Variants in TBC1D22A observed in about 807,000 individuals in gnomAD.
TBC1D22A encodes the protein putative GTPase activator.
In TBC1D22A, 38 loss-of-function variants were observed where a neutral mutation model predicts 60.2. That is an observed-to-expected ratio of 0.63 (90% CI 0.49 to 0.83). TBC1D22A has a LOEUF of 0.83. Ranked by LOEUF, TBC1D22A falls within the 40% of genes least tolerant of loss-of-function variation. The pLI, the probability that TBC1D22A is intolerant of heterozygous loss-of-function variation, is 0.00. For synonymous variants in TBC1D22A, 302 were observed against 281.7 expected (o/e 1.07, Z -0.72); for missense variants, 628 against 701.0 (o/e 0.90, Z 1.18).
chr22:47,133,851 C>T (rs1282684988), intron 12 of TBC1D22A, among the ~76,000 whole-genome samples: 1 of 152,256 alleles, frequency 6.6e-6, no homozygotes, highest in East Asian at 1.9e-4. Flanking sequence ...CGGCCCCGGG[C>T]ATCCTCGCGA....
At chr22:46,788,522 C>T (rs2084263898) in intron 1 of TBC1D22A, among the ~76,000 whole-genome samples, 1 of 152,228 alleles carries the variant, frequency 6.6e-6, no homozygotes, top group African/African-American at 2.4e-5. Context: ...TGTTCCTTCA[C>T]TTTTCTGTGT....
chr22:46,983,175 G>A (rs1358167157), intron 9 of TBC1D22A, among the ~76,000 whole-genome samples: 1 of 152,218 alleles, frequency 6.6e-6, no homozygotes, highest in Non-Finnish European at 1.5e-5. Flanking sequence ...ATCTGGCACG[G>A]CAGACCATCT....
At chr22:46,928,953 T>A (rs1162858157) in intron 8 of TBC1D22A, among the ~76,000 whole-genome samples, 1 of 151,888 alleles carries the variant, frequency 6.6e-6, no homozygotes, top group East Asian at 1.9e-4. Context: ...AATTAGAATG[T>A]GGGGGCCGGG....
At chr22:47,076,706 G>A (rs2064241213) in intron 11 of TBC1D22A, among the ~76,000 whole-genome samples, 1 of 151,938 alleles carries the variant, frequency 6.6e-6, no homozygotes, top group South Asian at 2.1e-4. Context: ...CTCCGCATTT[G>A]TGATAGTTCG....
intron 9 of TBC1D22A, among the ~76,000 whole-genome samples, chr22:46,989,956 C>G (rs1426461684): frequency 1.3e-5 from 2 of 152,148 alleles, no homozygotes; most frequent in African/African-American, 4.8e-5. Flanking sequence ...GTGCTTGCCA[C>G]CACACCTGGA....
chr22:46,971,927 C>T (rs547556806), intron 8 of TBC1D22A, among the ~76,000 whole-genome samples: 1 of 152,180 alleles, frequency 6.6e-6, no homozygotes, highest in Non-Finnish European at 1.5e-5. Context: ...GAGCCTGCAG[C>T]CCGGCAGGGA....
intron 11 of TBC1D22A, among the ~76,000 whole-genome samples, chr22:47,091,261 GTTGTGGCTGC>G: frequency 7.7e-6 from 1 of 130,534 alleles, no homozygotes; most frequent in Non-Finnish European, 1.6e-5. Context: ...CCTCGCAGAG[GTTGTGGCTGC>G]TTGTTGATAG....
chr22:46,899,403 C>T (rs1385572251), intron 7 of TBC1D22A, among the ~76,000 whole-genome samples: 5 of 151,506 alleles, frequency 3.3e-5, no homozygotes, highest in African/African-American at 7.3e-5. Flanking sequence ...GCCGAGGTGG[C>T]GCCACTGCAC....
intron 11 of TBC1D22A, among the ~76,000 whole-genome samples, chr22:47,042,295 A>G (rs573229772): frequency 6.6e-6 from 1 of 152,302 alleles, no homozygotes; most frequent in Non-Finnish European, 1.5e-5. Context: ...CAGGGCTGCC[A>G]CTGCCAGTCC....
chr22:47,060,891 G>A (rs777646750), intron 11 of TBC1D22A, among the ~76,000 whole-genome samples: 50 of 152,318 alleles, frequency 3.3e-4, no homozygotes, highest in Admixed American at 2.2e-3. Context: ...TCATCGGGGC[G>A]GTTGCAGAAG....
chr22:47,087,163 G>A (rs1050621164), intron 11 of TBC1D22A, among the ~76,000 whole-genome samples: 8 of 152,176 alleles, frequency 5.3e-5, no homozygotes, highest in Admixed American at 3.3e-4. Context: ...ACGCATACGC[G>A]CATGCACACA....
chr22:47,126,191 A>G (rs929280170), intron 12 of TBC1D22A, among the ~76,000 whole-genome samples: 1 of 152,202 alleles, frequency 6.6e-6, no homozygotes, highest in Non-Finnish European at 1.5e-5. Context: ...CATGTTGGCC[A>G]GGCTAGTCTT....
chr22:47,049,639 TA>T (rs1358967601), intron 11 of TBC1D22A, among the ~76,000 whole-genome samples: 3 of 152,212 alleles, frequency 2.0e-5, no homozygotes, highest in Admixed American at 1.3e-4. Context: ...AGTTTTTTTG[TA>T]AAACATAACA....
At chr22:46,850,683 A>G (rs1194088536) in intron 4 of TBC1D22A, among the ~76,000 whole-genome samples, 1 of 152,074 alleles carries the variant, frequency 6.6e-6, no homozygotes, top group Non-Finnish European at 1.5e-5. Flanking sequence ...CAGCAGTTGG[A>G]CTCCTAGGTA....
At chr22:46,922,682 C>A (rs987238121) in intron 8 of TBC1D22A, among the ~76,000 whole-genome samples, 11 of 152,190 alleles carry the variant, frequency 7.2e-5, no homozygotes, top group Non-Finnish European at 1.6e-4. Context: ...GTATTTTATT[C>A]TTTTTGTGGC....
At chr22:46,911,498 C>T (rs979353989) in intron 7 of TBC1D22A, among the ~76,000 whole-genome samples, 3 of 152,140 alleles carry the variant, frequency 2.0e-5, no homozygotes, top group African/African-American at 7.2e-5. Context: ...CGGTGGCCCG[C>T]GGGGTGTGGA....
intron 7 of TBC1D22A, among the ~76,000 whole-genome samples, chr22:46,906,779 C>CTGTGTGTGTGTGTGTGTGTGTGTGTG (rs148450942): frequency 6.7e-6 from 1 of 149,080 alleles, no homozygotes; most frequent in African/African-American, 2.5e-5. Context: ...GGACCCTGAA[C>CTGTGTGTGTGTGTGTGTGTGTGTGTG]TGTGTGTGTG....
chr22:47,037,099 CGAAGTGA>C lies in TBC1D22A; in HGVS notation c.1233_1239del (p.Glu411AspfsTer10). 1 of 1,613,894 alleles carries C rather than the reference CGAAGTGA, an allele frequency of 6.2e-7. No individual in the cohort carries two copies. The highest frequency in any genetic ancestry group is 8.5e-7 in the Non-Finnish European group (1 of 1,179,850). On this transcript the variant is annotated frameshift_variant, in exon 11 of 13. Transcript: ENST00000337137. LOFTEE classifies it high-confidence loss of function. The stretch of plus-strand genomic sequence containing the variant: ...AAGTGCACCGGCACCTGGACCAACA[CGAAGTGA>C]GATACCTGCAGTTTGCCTTCCGCTG...
At chr22:46,906,278 G>A (rs968808930) in intron 7 of TBC1D22A, among the ~76,000 whole-genome samples, 4 of 151,980 alleles carry the variant, frequency 2.6e-5, no homozygotes, top group Admixed American at 1.3e-4. Context: ...GCAGCCAGAA[G>A]GTGAGTTTAG....
Sources: allele counts gnomAD v4.1 joint callset (sites outside exome capture counted in the v4.1 genomes callset), GRCh38; gene constraint gnomAD v4.1.1; transcripts MANE v1.5; gene names NCBI Gene and HGNC (gene_info 2026-07-23, HGNC 2026-07-21).